The following CRISPLD1 variants were observed in gnomAD, a reference collection of about 807,000 sequenced individuals.
CRISPLD1 encodes cysteine rich secretory protein LCCL domain containing 1.
A neutral mutation model predicts 77.5 loss-of-function variants in CRISPLD1; 60 were observed. The ratio of observed to expected loss-of-function variants is 0.77; its 90% CI spans 0.63 to 0.96. CRISPLD1 has a LOEUF of 0.96. CRISPLD1 is among the 40% of genes least tolerant of loss of function. The pLI is 0.00. For synonymous variants in CRISPLD1, 195 were observed against 200.1 expected (o/e 0.97, Z 0.22); for missense variants, 623 against 615.8 (o/e 1.01, Z -0.12).
intron 14 of CRISPLD1, among the ~76,000 whole-genome samples, chr8:75,031,102 G>A (rs1388368176): frequency 6.6e-6 from 1 of 151,960 alleles, no homozygotes; most frequent in Non-Finnish European, 1.5e-5. Flanking sequence ...AAGGCACTCA[G>A]TCAGTTTGTT....
In CRISPLD1 at chr8:75,016,481, G is replaced by A. The variant is rs139803830; in HGVS notation, c.728-84G>A. 201 of 1,273,848 alleles carry A rather than the reference G, an allele frequency of 1.6e-4. 1 individual carries two copies. The East Asian group carries it at 2.9e-3, about 18-fold the overall frequency. 78.9% of individuals were successfully genotyped at this position (1,273,848 alleles called of 1,614,324 possible). ...TTTTTCTAGTTCTAAATGTTAAATA[G>A]GAGTATTAAAGTATATTATTATTTG... On this transcript the variant is annotated intron_variant, in intron 6 of 14. Transcript: ENST00000262207.
intron 2 of CRISPLD1, among the ~76,000 whole-genome samples, chr8:75,002,906 T>A (rs754088021): frequency 6.6e-6 from 1 of 152,216 alleles, no homozygotes; most frequent in Non-Finnish European, 1.5e-5. Context: ...TAAGGACTTT[T>A]GAAAACCATT....
At chr8:75,015,282 G>A (rs137935638) in intron 6 of CRISPLD1, among the ~76,000 whole-genome samples, 1,864 of 151,794 alleles carry the variant, frequency 0.012, 18 homozygotes, top group Middle Eastern at 0.027. Context: ...TATTTTTAGC[G>A]CTTTAAACAT....
At chr8:75,002,043 C>T (rs1338880126) in intron 2 of CRISPLD1, among the ~76,000 whole-genome samples, 14 of 152,030 alleles carry the variant, frequency 9.2e-5, no homozygotes, top group Admixed American at 7.9e-4. Flanking sequence ...GGAAATGAAT[C>T]TCAGATTTGT....
chr8:74,999,145 C>G (rs1812694402), intron 2 of CRISPLD1, among the ~76,000 whole-genome samples: 1 of 152,012 alleles, frequency 6.6e-6, no homozygotes, highest in South Asian at 2.1e-4. Context: ...TGAAACTGAT[C>G]TGGCAAAGGT....
chr8:74,985,002 T>A (rs914288243), intron 1 of CRISPLD1, 82 bp downstream of exon 1: 13 of 139,502 alleles, frequency 9.3e-5, no homozygotes, highest in African/African-American at 3.1e-4. Flanking sequence ...AAACTGTACT[T>A]AAAAAAAAAA....
intron 2 of CRISPLD1, among the ~76,000 whole-genome samples, chr8:75,008,572 G>A (rs1812875262): frequency 6.6e-6 from 1 of 152,014 alleles, no homozygotes; most frequent in African/African-American, 2.4e-5. Flanking sequence ...TGCTTTATTC[G>A]ATTCTGTGAA....
At chr8:75,013,623 G>T (rs1812974650) in intron 4 of CRISPLD1, among the ~76,000 whole-genome samples, 1 of 152,098 alleles carries the variant, frequency 6.6e-6, no homozygotes, top group African/African-American at 2.4e-5. Context: ...GTAAATTTTT[G>T]CTCCAGTATT....
At chr8:75,030,786 A>G (rs115648347) in intron 14 of CRISPLD1, among the ~76,000 whole-genome samples, 146 of 133,916 alleles carry the variant, frequency 1.1e-3, no homozygotes, top group African/African-American at 2.9e-3. Flanking sequence ...GTGTGACTGT[A>G]TATATGTGTG....
chr8:75,017,092 T>C lies in CRISPLD1; in HGVS notation c.975T>C (p.Ile325=). The C allele has an allele frequency of 6.2e-7, 1 of 1,612,500 alleles. No homozygotes were observed. The change falls in exon 9 of 15, where the codon ATT becomes ATC. Residue 325 remains isoleucine, a synonymous_variant. Coordinates refer to ENST00000262207, the MANE Select transcript of CRISPLD1 (RefSeq NM_031461.6). The part of the protein sequence containing the change: ...AGCLDSKAKV[I]GSVHYEMQSS... ...GTTTGGATAGTAAAGCTAAAGTTAT[T>C]GGCAGTGTACATTATGAAATGGTAA...
intron 2 of CRISPLD1, among the ~76,000 whole-genome samples, chr8:74,987,108 C>A (rs1375263984): frequency 6.6e-6 from 1 of 152,056 alleles, no homozygotes; most frequent in African/African-American, 2.4e-5. Context: ...TTCATACATT[C>A]TAGTTTTTTT....
chr8:75,026,836 C>G (rs1813243728), intron 13 of CRISPLD1: 1 of 152,130 alleles, frequency 6.6e-6, no homozygotes, highest in Non-Finnish European at 1.5e-5. Flanking sequence ...TTCTGAGTCT[C>G]TCTCAAGCTC....
intron 2 of CRISPLD1, among the ~76,000 whole-genome samples, chr8:75,011,636 G>C (rs1812933173): frequency 6.6e-6 from 1 of 151,916 alleles, no homozygotes; most frequent in African/African-American, 2.4e-5. Context: ...CTTAATCGGT[G>C]ATTTAAATTA....
intron 4 of CRISPLD1, among the ~76,000 whole-genome samples, chr8:75,013,403 C>G (rs1198400928): frequency 6.6e-6 from 1 of 151,788 alleles, no homozygotes; most frequent in Non-Finnish European, 1.5e-5. Flanking sequence ...ATTTATATTT[C>G]GTGTTCACAA....
At chr8:74,999,562 C>T (rs1243137460) in intron 2 of CRISPLD1, among the ~76,000 whole-genome samples, 1 of 152,050 alleles carries the variant, frequency 6.6e-6, no homozygotes, top group Non-Finnish European at 1.5e-5. Context: ...TCTAACAAGA[C>T]CCCAGGTGAT....
intron 2 of CRISPLD1, among the ~76,000 whole-genome samples, chr8:74,994,149 A>G (rs1812614248): frequency 6.6e-6 from 1 of 152,222 alleles, no homozygotes; most frequent in African/African-American, 2.4e-5. Flanking sequence ...GGAGGAGCAC[A>G]GCTGTGAACA....
rs562739000 is a variant in CRISPLD1, at chr8:75,033,935, CTT to C, written c.*1697_*1698del. The C allele has an allele frequency of 6.6e-6, 1 of 151,986 alleles. No individual in the cohort carries two copies. Among genetic ancestry groups the C allele is most frequent in the African/African-American group, 2.4e-5 (1 of 41,436 alleles). 9.4% of individuals were successfully genotyped at this position (151,986 alleles called of 1,614,324 possible). ...TAAATAGTATGACTTTACATAGACTCTTTTTCTGGTCCTTACTGCTCCTCCCA... is the reference window on the plus strand; with the variant it reads ...TAAATAGTATGACTTTACATAGACTCTTTCTGGTCCTTACTGCTCCTCCCA... On this transcript the variant is annotated 3_prime_UTR_variant, in exon 15 of 15. Transcript: ENST00000262207.
rs181475971 is a variant in CRISPLD1 at position 75,011,983 on chromosome 8, A to G, written c.259-450A>G. On this transcript the variant is annotated intron_variant, in intron 2 of 14. Coordinates refer to ENST00000262207, the MANE Select transcript of CRISPLD1 (RefSeq NM_031461.6). ...TACGATGTCACAGAAAAAGTATTTT[A>G]TAAAGCTGGATTGTGAAGGAAGAAA... is the stretch of plus-strand genomic sequence containing the variant. Among the ~76,000 whole-genome samples the G allele has an allele frequency of 1.1e-4, 17 of 152,266 alleles. No homozygotes were observed. In the East Asian group the frequency reaches 3.3e-3, roughly 29 times the overall value.
intron 5 of CRISPLD1, 44 bp downstream of exon 5, chr8:75,014,146 C>T (rs915294461): frequency 3.2e-6 from 4 of 1,254,646 alleles, no homozygotes; most frequent in African/African-American, 1.5e-5. Flanking sequence ...TTTTTCTTAA[C>T]AAAATGAAAA....
Sources: gnomAD v4.1 joint callset for allele counts (sites outside exome capture counted in the v4.1 genomes callset) on GRCh38, gnomAD v4.1.1 for gene constraint, MANE v1.5 for transcripts, NCBI Gene and HGNC (gene_info 2026-07-23, HGNC 2026-07-21) for gene names.